Variants in SLC17A1 observed in about 807,000 individuals in gnomAD.
The protein encoded by SLC17A1 is sodium-dependent phosphate transport protein 1.
In SLC17A1, 51 loss-of-function variants were observed where a neutral mutation model predicts 53.5. The observed-to-expected ratio is 0.95, with a 90% CI of 0.76 to 1.20. The LOEUF is 1.20. Ranked by LOEUF, SLC17A1 falls within the 50% of genes most tolerant of loss-of-function variation. The pLI is 0.00. For synonymous variants in SLC17A1, 179 were observed against 198.8 expected (o/e 0.90, Z 0.84); for missense variants, 538 against 568.2 (o/e 0.95, Z 0.54).
chr6:25,775,598 G>A, the SLC17A1 span, among the ~76,000 whole-genome samples: 1 of 151,898 alleles, frequency 6.6e-6, no homozygotes, highest in African/African-American at 2.4e-5. Flanking sequence ...ACCATGCCTG[G>A]CTAATTTTTT....
At chr6:25,727,714 C>CG in the SLC17A1 span, among the ~76,000 whole-genome samples, 1 of 151,988 alleles carries the variant, frequency 6.6e-6, no homozygotes, top group Non-Finnish European at 1.5e-5. Flanking sequence ...CGAGGGTAGA[C>CG]GAACTAGTTG....
chr6:25,751,493 G>A, the SLC17A1 span, among the ~76,000 whole-genome samples: 36,153 of 152,082 alleles, frequency 0.24, 4,901 homozygotes, highest in Non-Finnish European at 0.3. Context: ...GTGACACCTA[G>A]GCAAAACCTG....
the SLC17A1 span, chr6:25,770,433 C>T: frequency 1.8e-4 from 298 of 1,613,996 alleles, no homozygotes; most frequent in Non-Finnish European, 2.4e-4. Flanking sequence ...TGGGCTCCCC[C>T]ACTGGAAAGG....
chr6:25,822,035 T>C (rs1194819818), intron 3 of SLC17A1, among the ~76,000 whole-genome samples: 1 of 152,192 alleles, frequency 6.6e-6, no homozygotes, highest in Non-Finnish European at 1.5e-5. Flanking sequence ...TTTAAAATTA[T>C]GGTAGAATTT....
At position 25,819,699 on chromosome 6, in the gene SLC17A1, C is replaced by T. The variant is rs1002064651; in HGVS notation, c.424G>A (p.Val142Ile). ...GVAWVVVCRA[V>I]QGAAQGIVAT... ...TTTAATACCTGGGCTGCTCCCTGAACTGCTCGACATACAACGACCCAAGCT... is the reference window on the plus strand; with the variant it reads ...TTTAATACCTGGGCTGCTCCCTGAATTGCTCGACATACAACGACCCAAGCT... The change falls in exon 4 of 13, where the codon GTT becomes ATT. Residue 142 changes from valine to isoleucine, a missense_variant. Physicochemically the swap from Val to Ile is conservative, Grantham distance 29. Coordinates refer to ENST00000244527, the MANE Select transcript of SLC17A1 (RefSeq NM_005074.5). The T allele has an allele frequency of 6.2e-7, 1 of 1,614,136 alleles. No individual in the cohort carries two copies. Among genetic ancestry groups the T allele is most frequent in the Non-Finnish European group, 8.5e-7 (1 of 1,180,004 alleles).
downstream of SLC17A1, among the ~76,000 whole-genome samples, chr6:25,778,856 C>T (rs754288861): frequency 2.2e-4 from 34 of 152,222 alleles, no homozygotes; most frequent in Non-Finnish European, 3.7e-4. Context: ...GGAGGAGGAG[C>T]GTTCCAGCCA....
At chr6:25,793,983 C>A (rs939994281) in intron 12 of SLC17A1, among the ~76,000 whole-genome samples, 1 of 152,190 alleles carries the variant, frequency 6.6e-6, no homozygotes, top group Non-Finnish European at 1.5e-5. Context: ...AGGTCACACA[C>A]GCACTTTGAG....
chr6:25,726,419 T>TA, the SLC17A1 span: 1 of 1,614,136 alleles, frequency 6.2e-7, no homozygotes, highest in South Asian at 1.1e-5. Context: ...TAGTTTCCCT[T>TA]ACGAAGCAGA....
chr6:25,801,554 G>T lies in SLC17A1; in HGVS notation c.1179-574C>A, dbSNP rs182128681. ...CCCATCAGCCATGAAGAGCAAGGTG[G>T]TGCTGTTTGGAGAGCAGAATCAGTG... On this transcript the variant is annotated intron_variant, in intron 10 of 12. Coordinates refer to ENST00000244527, the MANE Select transcript of SLC17A1 (RefSeq NM_005074.5). Among the ~76,000 whole-genome samples the T allele has an allele frequency of 3.3e-5, 5 of 152,330 alleles. No individual in the cohort carries two copies. The East Asian group carries it at 9.6e-4, about 29-fold the overall frequency.
intron 12 of SLC17A1, among the ~76,000 whole-genome samples, chr6:25,797,495 C>T (rs1425471197): frequency 6.6e-6 from 1 of 152,064 alleles, no homozygotes; most frequent in African/African-American, 2.4e-5. Context: ...TTCTGTATTT[C>T]TTTATAGACT....
At chr6:25,733,802 G>GTA in the SLC17A1 span, among the ~76,000 whole-genome samples, 170 of 66,088 alleles carry the variant, frequency 2.6e-3, no homozygotes, top group Middle Eastern at 9.4e-3. Context: ...GTGTGTGTGT[G>GTA]TGTATGTGTG....
At chr6:25,829,748 C>T (rs1764880003) in intron 2 of SLC17A1, among the ~76,000 whole-genome samples, 1 of 152,006 alleles carries the variant, frequency 6.6e-6, no homozygotes, top group African/African-American at 2.4e-5. Flanking sequence ...GTAAAATGTG[C>T]ATCTGTAAAT....
downstream of SLC17A1, chr6:25,779,905 C>G (rs1763218177): frequency 2.6e-5 from 4 of 152,214 alleles, no homozygotes. Context: ...TCTCTTCTAG[C>G]CCCTCCAACA....
At chr6:25,724,691 C>G in the SLC17A1 span, among the ~76,000 whole-genome samples, 7 of 152,200 alleles carry the variant, frequency 4.6e-5, no homozygotes, top group African/African-American at 1.4e-4. Context: ...GTGCCACTTT[C>G]TTGACAAAGT....
chr6:25,723,808 A>C, the SLC17A1 span, among the ~76,000 whole-genome samples: 3 of 152,316 alleles, frequency 2.0e-5, no homozygotes, highest in African/African-American at 4.8e-5. Context: ...TGGGGGGGAA[A>C]ATAAGTCAAT....
chr6:25,773,733 C>A, the SLC17A1 span: 1 of 1,554,278 alleles, frequency 6.4e-7, no homozygotes, highest in South Asian at 1.2e-5. Flanking sequence ...AATGAGAGCT[C>A]ATATATAATC....
the SLC17A1 span, among the ~76,000 whole-genome samples, chr6:25,768,720 A>G: frequency 6.6e-6 from 1 of 152,244 alleles, no homozygotes; most frequent in African/African-American, 2.4e-5. Context: ...TTCTCATCCC[A>G]GAGCCCTGCC....
chr6:25,766,720 T>C, the SLC17A1 span, among the ~76,000 whole-genome samples: 1 of 152,154 alleles, frequency 6.6e-6, no homozygotes, highest in African/African-American at 2.4e-5. Context: ...ATCAGACAAA[T>C]TTCAATTAAG....
the SLC17A1 span, chr6:25,732,858 T>A: frequency 3.1e-6 from 1 of 326,320 alleles, no homozygotes; most frequent in Non-Finnish European, 5.8e-6. Flanking sequence ...GCGAAGTGAC[T>A]TGAATGTCTA....
Sources: gnomAD v4.1 joint callset for allele counts (sites outside exome capture counted in the v4.1 genomes callset) on GRCh38, gnomAD v4.1.1 for gene constraint, MANE v1.5 for transcripts, NCBI Gene and HGNC (gene_info 2026-07-23, HGNC 2026-07-21) for gene names.